Variants in ATP2C1 observed in about 807,000 individuals in gnomAD.
ATP2C1 encodes ATPase secretory pathway Ca2+ transporting 1.
A neutral mutation model predicts 120.5 loss-of-function variants in ATP2C1; 31 were observed. The observed-to-expected ratio is 0.26, with a 90% confidence interval of 0.19 to 0.35. ATP2C1 has a LOEUF of 0.35. Ranked by LOEUF, ATP2C1 falls within the 10% of genes least tolerant of loss-of-function variation. The pLI, the probability that ATP2C1 is intolerant of heterozygous loss-of-function variation, is 1.00. For synonymous variants in ATP2C1, 351 were observed against 358.7 expected, an observed-to-expected ratio of 0.98 and a Z score of 0.24; for missense variants, 731 against 1,107.5, an observed-to-expected ratio of 0.66 and a Z score of 4.83.
At chr3:130,953,799 G>T (rs371691661) in intron 8 of ATP2C1, 22 bp from the exon 9 acceptor site, 1 of 1,613,716 alleles carries the variant, frequency 6.2e-7, no homozygotes, top group Non-Finnish European at 8.5e-7. Flanking sequence ...ATTTGAATCT[G>T]GGATTCTTTA....
chr3:130,926,620 A>G (rs2059217939), intron 2 of ATP2C1, among the ~76,000 whole-genome samples: 1 of 152,254 alleles, frequency 6.6e-6, no homozygotes, highest in Non-Finnish European at 1.5e-5. Flanking sequence ...TGTCTGCCAT[A>G]CTAGGCTCAA....
At chr3:130,949,529 G>A (rs2060281972) in intron 8 of ATP2C1, among the ~76,000 whole-genome samples, 1 of 152,132 alleles carries the variant, frequency 6.6e-6, no homozygotes, top group South Asian at 2.1e-4. Flanking sequence ...AGCAGATGTT[G>A]ATGGAGAAGC....
At chr3:130,918,127 C>A in intron 2 of ATP2C1, 1 of 758,726 alleles carries the variant, frequency 1.3e-6, no homozygotes, top group Non-Finnish European at 2.3e-6. Context: ...GTACTTAATG[C>A]TGGTAGAATT....
At chr3:130,967,452 G>T in intron 16 of ATP2C1, 33 bp downstream of exon 16, 1 of 1,542,902 alleles carries the variant, frequency 6.5e-7, no homozygotes, top group South Asian at 1.1e-5. Context: ...TTTGACATTT[G>T]AGACACTGCC....
At chr3:130,911,609 A>G (rs374541086) in intron 2 of ATP2C1, among the ~76,000 whole-genome samples, 1 of 152,188 alleles carries the variant, frequency 6.6e-6, no homozygotes, top group South Asian at 2.1e-4. Context: ...TGAGGATACA[A>G]ACAAATGGAA....
chr3:130,871,034 A>G (rs1486321485), intron 1 of ATP2C1, among the ~76,000 whole-genome samples: 1 of 152,234 alleles, frequency 6.6e-6, no homozygotes, highest in Non-Finnish European at 1.5e-5. Context: ...CCAAAATATT[A>G]TGACTCATTG....
chr3:130,967,667 A>G (rs959608933), intron 16 of ATP2C1, among the ~76,000 whole-genome samples: 14 of 152,216 alleles, frequency 9.2e-5, no homozygotes, highest in African/African-American at 2.7e-4. Flanking sequence ...TTTCTTGTGA[A>G]GAAATGTTCC....
intron 1 of ATP2C1, among the ~76,000 whole-genome samples, chr3:130,884,926 CTTTCTTTT>C: frequency 8.1e-6 from 1 of 123,894 alleles, no homozygotes; most frequent in South Asian, 2.6e-4. Flanking sequence ...TCTTTCTTTT[CTTTCTTTT>C]TTTTTTTTTT....
chr3:130,918,435 C>T, intron 2 of ATP2C1: 2 of 923,060 alleles, frequency 2.2e-6, no homozygotes, highest in Non-Finnish European at 3.6e-6. Context: ...GGAATCCCCA[C>T]ATCTGGAACA....
At chr3:130,908,534 C>A (rs1218219919) in intron 2 of ATP2C1, among the ~76,000 whole-genome samples, 1 of 151,620 alleles carries the variant, frequency 6.6e-6, no homozygotes, top group Non-Finnish European at 1.5e-5. Flanking sequence ...GCAGTATACA[C>A]AGAAATAGTT....
intron 2 of ATP2C1, among the ~76,000 whole-genome samples, chr3:130,916,860 T>C (rs1339996103): frequency 5.9e-5 from 9 of 152,206 alleles, no homozygotes; most frequent in East Asian, 1.9e-4. Flanking sequence ...TTCTTACTCA[T>C]GTTGAGGATT....
intron 20 of ATP2C1, among the ~76,000 whole-genome samples, chr3:130,990,574 GT>G (rs1161251608): frequency 2.6e-5 from 4 of 152,170 alleles, no homozygotes; most frequent in African/African-American, 7.2e-5. Flanking sequence ...TTAGGCATTT[GT>G]TTTGAGAGAG....
chr3:131,009,635 G>A lies in ATP2C1; in HGVS notation c.2630-6517G>A, dbSNP rs74365163. Among the ~76,000 whole-genome samples, 388 of 152,076 alleles carry A rather than the reference G, an allele frequency of 2.6e-3. 10 individuals carry two copies. The East Asian group carries it at 0.062, about 24-fold the overall frequency. ...CTTCCTTCCTTAACATGAAGTTCTCGTCTTAGAATTTTTACAGCTGGATGG... is the reference window on the plus strand; with the variant it reads ...CTTCCTTCCTTAACATGAAGTTCTCATCTTAGAATTTTTACAGCTGGATGG... On this transcript the variant is annotated intron_variant, in intron 26 of 26. Coordinates refer to the ATP2C1 transcript ENST00000328560.
chr3:130,915,613 C>G (rs992030386), intron 2 of ATP2C1, among the ~76,000 whole-genome samples: 1 of 152,012 alleles, frequency 6.6e-6, no homozygotes, highest in Non-Finnish European at 1.5e-5. Flanking sequence ...GGGAAAAACA[C>G]GTTTGGATGA....
Position 130,967,158 on chromosome 3 carries a change from G to T in ATP2C1, c.1136G>T (p.Gly379Val), listed in dbSNP as rs1249754318. 1 of 1,613,210 alleles carries T rather than the reference G, an allele frequency of 6.2e-7. No homozygotes were observed. Residue 379 changes from glycine (G) to valine (V), a missense_variant, in exon 15 of 28, where the codon GGC (glycine) becomes GTC (valine). Coordinates refer to ENST00000510168, the MANE Select transcript of ATP2C1 (RefSeq NM_001378687.1). ...DGLHAEVTGV[G>V]YNQFGEVIVD... ...TGTGATCTTTAGGTTACTGGAGTTG[G>T]CTATAATCAATTTGGGGAAGTGATT...
At chr3:130,974,390 A>G (rs2061455819) in intron 17 of ATP2C1, among the ~76,000 whole-genome samples, 1 of 152,242 alleles carries the variant, frequency 6.6e-6, no homozygotes, top group South Asian at 2.1e-4. Context: ...ACACTGTCAC[A>G]GCAGGGGTAG....
intron 9 of ATP2C1, among the ~76,000 whole-genome samples, chr3:130,954,416 A>G (rs2060489720): frequency 2.0e-5 from 3 of 152,212 alleles, no homozygotes; most frequent in Admixed American, 6.5e-5. Context: ...AATGTCTCCT[A>G]TTGAGTATAA....
chr3:130,964,163 G>T, intron 13 of ATP2C1, 68 bp downstream of exon 13: 1 of 1,548,206 alleles, frequency 6.5e-7, no homozygotes, highest in South Asian at 1.1e-5. Flanking sequence ...AATCATCTCA[G>T]AGTTTTACAG....
rs188850185 is a variant in ATP2C1, at chr3:130,931,044, C to A, written c.117+518C>A. Among the ~76,000 whole-genome samples the A allele has an allele frequency of 5.3e-5, 8 of 152,030 alleles. No homozygotes were observed. The East Asian group carries it at 1.5e-3, about 29-fold the overall frequency. The stretch of plus-strand genomic sequence containing the variant: ...CCTGGTTTTCAAAAGTAGTATCTAT[C>A]GAAACATGAAAAAGATAATATTTTT... On this transcript the variant is annotated intron_variant, in intron 3 of 27. Transcript: ENST00000510168.
Sources: gnomAD v4.1 joint callset for allele counts (sites outside exome capture counted in the v4.1 genomes callset) on GRCh38, gnomAD v4.1.1 for gene constraint, MANE v1.5 for transcripts, NCBI Gene and HGNC (gene_info 2026-07-23, HGNC 2026-07-21) for gene names.